Variants in CXXC4 observed in about 807,000 individuals in gnomAD.
The protein encoded by CXXC4 is CXXC finger protein 4.
In CXXC4, 5 loss-of-function variants were observed where a neutral mutation model predicts 20.5. The ratio of observed to expected loss-of-function variants is 0.24; its 90% CI spans 0.13 to 0.51. The LOEUF (loss-of-function observed/expected upper bound fraction) is 0.51, where lower values mean the gene tolerates loss of function less well. Among genes scored for constraint, CXXC4 ranks in the 20% least tolerant of loss-of-function variants. The probability of loss-of-function intolerance (pLI) is 0.97; values close to 1 mark genes in which losing one functional copy is unlikely to be tolerated. For missense variants in CXXC4, 419 were observed against 496.4 expected (o/e 0.84, Z 1.48); for synonymous variants, 250 against 216.4 (o/e 1.16, Z -1.36).
intron 2 of CXXC4, among the ~76,000 whole-genome samples, chr4:104,487,056 T>C (rs1267843718): frequency 6.6e-6 from 1 of 152,112 alleles, no homozygotes; most frequent in Non-Finnish European, 1.5e-5. Context: ...TGTGGAAAAA[T>C]TACTGTTGGC....
intron 2 of CXXC4, among the ~76,000 whole-genome samples, chr4:104,473,035 C>T (rs547924676): frequency 3.3e-5 from 5 of 151,858 alleles, no homozygotes; most frequent in East Asian, 1.9e-4. Flanking sequence ...ATTTAGGTCA[C>T]TGTTTTATGT....
At chr4:104,474,247 T>C (rs1283566081) in intron 2 of CXXC4, among the ~76,000 whole-genome samples, 5 of 151,980 alleles carry the variant, frequency 3.3e-5, no homozygotes, top group African/African-American at 4.8e-5. Flanking sequence ...GATGGTTTCA[T>C]TGGTTTTCTC....
At chr4:104,472,710 T>C (rs1293120508) in intron 2 of CXXC4, among the ~76,000 whole-genome samples, 1 of 151,986 alleles carries the variant, frequency 6.6e-6, no homozygotes, top group African/African-American at 2.4e-5. Flanking sequence ...TTAAAATCTA[T>C]ATCTGCCTTG....
At chr4:104,482,730 A>G (rs1736587994) in intron 2 of CXXC4, among the ~76,000 whole-genome samples, 1 of 152,138 alleles carries the variant, frequency 6.6e-6, no homozygotes, top group Non-Finnish European at 1.5e-5. Context: ...AATTTTGGAG[A>G]AAATATATCT....
intron 2 of CXXC4, among the ~76,000 whole-genome samples, chr4:104,487,443 G>A (rs1736728159): frequency 6.6e-6 from 1 of 152,106 alleles, no homozygotes; most frequent in African/African-American, 2.4e-5. Flanking sequence ...AGCCATATCA[G>A]ATTGGGATAT....
In CXXC4 at chr4:104,490,996, G is replaced by A; in HGVS notation, c.807C>T (p.Asp269=). 6.2e-7 allele frequency: 1 copy of A among 1,614,044 alleles called. No homozygotes were observed. Among genetic ancestry groups the A allele is most frequent in the Non-Finnish European group, 8.5e-7 (1 of 1,180,014 alleles). ...SPAAASAAVT[D]SAFQIANLAD... ...CCAGATTGGCAATTTGAAACGCACT[G>A]TCTGTGACGGCTGCTGAGGCTGCTG... The change falls in exon 2 of 3, where the codon GAC becomes GAT. Residue 269 remains aspartate (D), a synonymous_variant. Transcript: ENST00000394767.
rs1451834886 is a variant in CXXC4 at position 104,470,418 on chromosome 4, G to T, written c.*1904C>A. The T allele has an allele frequency of 6.6e-6, 1 of 151,968 alleles. No homozygotes were observed. The highest frequency in any genetic ancestry group is 1.5e-5 in the Non-Finnish European group (1 of 67,940). 9.4% of individuals were successfully genotyped at this position (151,968 alleles called of 1,614,324 possible). Reference sequence around the variant, plus strand: ...TGGACCATGTATTCATACTCTACGTGAGGTAAGTCACACTTGATTTTCAAA... The same window carrying T: ...TGGACCATGTATTCATACTCTACGTTAGGTAAGTCACACTTGATTTTCAAA... On this transcript the variant is annotated 3_prime_UTR_variant, in exon 3 of 3. Transcript: ENST00000394767.
chr4:104,488,881 A>C (rs1339081949), intron 2 of CXXC4, among the ~76,000 whole-genome samples: 1 of 152,232 alleles, frequency 6.6e-6, no homozygotes, highest in Non-Finnish European at 1.5e-5. Context: ...ATTGGGATGC[A>C]AGTAGTGCCA....
intron 2 of CXXC4, among the ~76,000 whole-genome samples, chr4:104,486,825 A>G (rs1736710700): frequency 6.6e-6 from 1 of 152,138 alleles, no homozygotes; most frequent in South Asian, 2.1e-4. Flanking sequence ...CTGGTCTACA[A>G]GTTAATTTCC....
chr4:104,490,376 G>C (rs1262215861), intron 2 of CXXC4, among the ~76,000 whole-genome samples: 1 of 152,202 alleles, frequency 6.6e-6, no homozygotes, highest in Non-Finnish European at 1.5e-5. Context: ...TATAGGATGT[G>C]ATGTGTCCAG....
rs1553913913 is a variant in CXXC4, at chr4:104,491,314, GCCGCCGCCGCCGCCGCCA to G, written c.471_488del (p.Gly160_Gly165del). 1.3e-6 allele frequency: 2 copies of G among 1,554,310 alleles called. No homozygotes were observed. Among genetic ancestry groups the G allele is most frequent in the African/African-American group, 1.4e-5 (1 of 71,102 alleles). ...GGTGCATGCTGGTCCTGCTGCCGCC[GCCGCCGCCGCCGCCGCCA>G]CCGCCGGCGGGGAGGATCGCCGAGG... On this transcript the variant is annotated inframe_deletion, in exon 2 of 3. Coordinates refer to ENST00000394767, the MANE Select transcript of CXXC4 (RefSeq NM_025212.4).
rs373140625 is a variant in CXXC4 at position 104,469,437 on chromosome 4, A to T, written c.*2885T>A. ...TATTCAGTTTATCTGATATATAATT[A>T]TTAAGTTGTGTATAGCTGTCCACAC... On this transcript the variant is annotated 3_prime_UTR_variant, in exon 3 of 3. Transcript: ENST00000394767. The T allele has an allele frequency of 3.3e-5, 5 of 152,208 alleles. No homozygotes were observed. In the East Asian group the frequency reaches 5.8e-4, roughly 18 times the overall value. The allele number at this position is 152,208 out of a possible 1,614,324, so 9.4% of individuals were successfully genotyped here.
intron 2 of CXXC4, among the ~76,000 whole-genome samples, chr4:104,487,543 T>C (rs556440151): frequency 1.3e-5 from 2 of 152,338 alleles, no homozygotes; most frequent in African/African-American, 4.8e-5. Context: ...AGTGTTATCA[T>C]GTAACTTATC....
Position 104,491,495 on chromosome 4 carries a change from ATGGCGG to A in CXXC4, c.302_307del (p.Thr101_Ala102del). On this transcript the variant is annotated inframe_deletion, in exon 2 of 3. Transcript: ENST00000394767. Reference sequence around the variant, plus strand: ...CCCGCCCCCGCCGCTGCCCCAGAGCATGGCGGTGGCGGCGGCGGCGGTGGCCGCGTT... The same window carrying A: ...CCCGCCCCCGCCGCTGCCCCAGAGCATGGCGGCGGCGGCGGTGGCCGCGTT... 1 of 847,560 alleles carries A rather than the reference ATGGCGG, an allele frequency of 1.2e-6. No homozygotes were observed. 52.5% of individuals were successfully genotyped at this position (847,560 alleles called of 1,614,324 possible). A position where few individuals can be genotyped will look rare whatever the true frequency, so the allele number is the denominator to read the frequency against.
rs79925658 is a variant in CXXC4, at chr4:104,489,266, C to G, written c.1059+1478G>C. On this transcript the variant is annotated intron_variant, in intron 2 of 2. Transcript: ENST00000394767. ...ATATTTTGATGAAACTGATCATACC[C>G]AATAATGACATCAACATAATTCTGA... 8.4e-3 allele frequency among the ~76,000 whole-genome samples: 1,281 copies of G among 152,036 alleles called. 6 individuals are homozygous for G. Among genetic ancestry groups the G allele is most frequent in the Non-Finnish European group, 0.014 (961 of 67,942 alleles).
At position 104,491,639 on chromosome 4, in the gene CXXC4, C is replaced by T. The variant is rs1278293237; in HGVS notation, c.164G>A (p.Gly55Asp). The T allele has an allele frequency of 1.9e-6, 3 of 1,541,844 alleles. No homozygotes were observed. The highest frequency in any genetic ancestry group is 1.7e-4 in the Middle Eastern group (1 of 5,964). ...GATCTTGGCCGCCTGTGGGAAGGCG[C>T]CCCCGTTGGTCTTGTAGAAGGAGGT... ...FATSFYKTNGGAFPQAAKIAR... is the reference protein window; with the variant it reads ...FATSFYKTNGDAFPQAAKIAR... Residue 55 changes from glycine to aspartate, a missense_variant, in exon 2 of 3, where the codon GGC becomes GAC. Coordinates refer to ENST00000394767, the MANE Select transcript of CXXC4 (RefSeq NM_025212.4).
intron 2 of CXXC4, among the ~76,000 whole-genome samples, chr4:104,481,256 G>A (rs994856327): frequency 6.6e-6 from 1 of 152,174 alleles, no homozygotes; most frequent in African/African-American, 2.4e-5. Context: ...GAGGCCGGGT[G>A]TTGTGGCTCA....
rs201856623 is a variant in CXXC4, at chr4:104,491,297, C to G, written c.506G>C (p.Ser169Thr). The stretch of plus-strand genomic sequence containing the variant: ...CTGGGAGTCGTTTCGGTGGTGCATG[C>G]TGGTCCTGCTGCCGCCGCCGCCGCC... The part of the protein sequence containing the change: ...GGGGGGGSRT[S>T]MHHRNDSQRL... Residue 169 changes from serine to threonine, a missense_variant, in exon 2 of 3, where the codon AGC (serine) becomes ACC (threonine). By Grantham distance (58) the Ser-to-Thr change is moderately conservative. Coordinates refer to ENST00000394767, the MANE Select transcript of CXXC4 (RefSeq NM_025212.4). The G allele has an allele frequency of 3.9e-4, 624 of 1,589,472 alleles. 3 individuals carry two copies. The East Asian group carries it at 0.01, about 26-fold the overall frequency.
At chr4:104,484,351 A>G (rs939038093) in intron 2 of CXXC4, among the ~76,000 whole-genome samples, 1 of 152,008 alleles carries the variant, frequency 6.6e-6, no homozygotes, top group Non-Finnish European at 1.5e-5. Flanking sequence ...TCTTTTCACA[A>G]TTTCTTACCT....
Sources: allele counts gnomAD v4.1 joint callset (sites outside exome capture counted in the v4.1 genomes callset), GRCh38; gene constraint gnomAD v4.1.1; transcripts MANE v1.5; gene names NCBI Gene and HGNC (gene_info 2026-07-23, HGNC 2026-07-21).